XYLT1: variants seen among roughly 807,000 people sequenced by gnomAD.
XYLT1 encodes the protein beta-D-xylosyltransferase 1.
XYLT1 carries 36 observed loss-of-function variants against 91.3 expected under a neutral mutation model. The ratio of observed to expected loss-of-function variants is 0.39; its 90% CI spans 0.30 to 0.52. The LOEUF (loss-of-function observed/expected upper bound fraction) is 0.52. Ranked by LOEUF, XYLT1 falls within the 20% of genes least tolerant of loss-of-function variation. The pLI is 0.68. For missense variants in XYLT1, 1,242 were observed against 1,284.5 expected (o/e 0.97, Z 0.51); for synonymous variants, 588 against 532.0 (o/e 1.11, Z -1.45).
chr16:17,316,453 G>C (rs1567371120), intron 2 of XYLT1, among the ~76,000 whole-genome samples: 1 of 152,066 alleles, frequency 6.6e-6, no homozygotes, highest in African/African-American at 2.4e-5. Flanking sequence ...CTGGAGTGCT[G>C]TGGTGTGATC....
chr16:17,420,575 C>T (rs189579215), intron 1 of XYLT1, among the ~76,000 whole-genome samples: 29 of 152,326 alleles, frequency 1.9e-4, no homozygotes, highest in African/African-American at 6.5e-4. Flanking sequence ...TGGAACACTT[C>T]AAGAGAACAA....
At chr16:17,372,121 G>A (rs2035542865) in intron 1 of XYLT1, among the ~76,000 whole-genome samples, 1 of 152,194 alleles carries the variant, frequency 6.6e-6, no homozygotes. Flanking sequence ...ATAGAAGCAG[G>A]AAAGAATAAC....
intron 1 of XYLT1, among the ~76,000 whole-genome samples, chr16:17,414,632 T>A (rs1399606509): frequency 6.6e-6 from 1 of 152,076 alleles, no homozygotes; most frequent in East Asian, 1.9e-4. Flanking sequence ...ACACACATAA[T>A]GAGAAATGAG....
intron 2 of XYLT1, among the ~76,000 whole-genome samples, chr16:17,353,002 C>T (rs2035242296): frequency 6.6e-6 from 1 of 152,220 alleles, no homozygotes; most frequent in Non-Finnish European, 1.5e-5. Flanking sequence ...TCATTTGCTA[C>T]AGGAGCCCTG....
chr16:17,321,826 C>T (rs1434121625), intron 2 of XYLT1, among the ~76,000 whole-genome samples: 1 of 151,992 alleles, frequency 6.6e-6, no homozygotes, highest in Non-Finnish European at 1.5e-5. Context: ...ACCTGGGAAC[C>T]CCTGCACACA....
At chr16:17,376,774 C>T (rs1269052790) in intron 1 of XYLT1, among the ~76,000 whole-genome samples, 1 of 136,386 alleles carries the variant, frequency 7.3e-6, no homozygotes, top group East Asian at 2.3e-4. Flanking sequence ...TTGCAGTGAG[C>T]CGAGATTGTG....
At chr16:17,332,105 C>T (rs2034906484) in intron 2 of XYLT1, among the ~76,000 whole-genome samples, 1 of 152,202 alleles carries the variant, frequency 6.6e-6, no homozygotes, top group South Asian at 2.1e-4. Flanking sequence ...TCACCCTGTC[C>T]CCAGATACAA....
Position 17,200,631 on chromosome 16 carries a change from A to G in XYLT1, c.937T>C (p.Trp313Arg). Residue 313 changes from tryptophan to arginine, a missense_variant, in exon 4 of 12, where the codon TGG becomes CGG. Coordinates refer to ENST00000261381, the MANE Select transcript of XYLT1 (RefSeq NM_022166.4). Reference sequence around the variant, plus strand: ...ATGTACTCCACGGAGTCCTCGTCCCACTGCACGTTCTTGTTGGCTTTACCT... The same window carrying G: ...ATGTACTCCACGGAGTCCTCGTCCCGCTGCACGTTCTTGTTGGCTTTACCT... ...LEGKANKNVQ[W>R]DEDSVEYMPA... The G allele has an allele frequency of 6.2e-7, 1 of 1,613,808 alleles. No individual in the cohort carries two copies. Among genetic ancestry groups the G allele is most frequent in the Non-Finnish European group, 8.5e-7 (1 of 1,179,730 alleles).
At chr16:17,436,271 A>G (rs1596544842) in intron 1 of XYLT1, among the ~76,000 whole-genome samples, 1 of 152,324 alleles carries the variant, frequency 6.6e-6, no homozygotes, top group East Asian at 1.9e-4. Flanking sequence ...GAGAAAAGAC[A>G]ATTACACGGT....
chr16:17,112,565 C>T (rs188576991), intron 11 of XYLT1, among the ~76,000 whole-genome samples: 286 of 152,106 alleles, frequency 1.9e-3, no homozygotes, highest in Non-Finnish European at 2.6e-3. Context: ...CCTGAAGCAG[C>T]GAAGACACAG....
chr16:17,430,743 A>G (rs2036380732), intron 1 of XYLT1, among the ~76,000 whole-genome samples: 1 of 152,184 alleles, frequency 6.6e-6, no homozygotes, highest in Non-Finnish European at 1.5e-5. Context: ...CTTGCTTGCA[A>G]AAAATAAAAT....
chr16:17,242,522 T>C (rs1246798270), intron 3 of XYLT1, among the ~76,000 whole-genome samples: 1 of 152,186 alleles, frequency 6.6e-6, no homozygotes, highest in Non-Finnish European at 1.5e-5. Flanking sequence ...AGGAGAATTG[T>C]CATCTGTGAA....
chr16:17,450,843 G>A (rs1449546262), intron 1 of XYLT1, among the ~76,000 whole-genome samples: 1 of 152,190 alleles, frequency 6.6e-6, no homozygotes, highest in South Asian at 2.1e-4. Flanking sequence ...ACCAAGCTGA[G>A]GGGAGTGTAA....
intron 2 of XYLT1, among the ~76,000 whole-genome samples, chr16:17,323,782 G>A (rs2034760900): frequency 6.6e-6 from 1 of 152,096 alleles, no homozygotes; most frequent in South Asian, 2.1e-4. Flanking sequence ...ATCAGGTAGT[G>A]CCCAAGTCCC....
intron 1 of XYLT1, among the ~76,000 whole-genome samples, chr16:17,447,799 C>T (rs553604214): frequency 6.6e-6 from 1 of 152,320 alleles, no homozygotes; most frequent in African/African-American, 2.4e-5. Context: ...TCAATGTCCA[C>T]ATTTGTAAAA....
intron 1 of XYLT1, among the ~76,000 whole-genome samples, chr16:17,414,695 G>A (rs998178491): frequency 3.3e-5 from 5 of 152,098 alleles, no homozygotes; most frequent in Admixed American, 1.3e-4. Flanking sequence ...GAGGAGTGGC[G>A]AGTGTCCTGG....
chr16:17,460,709 C>T (rs1295790178), intron 1 of XYLT1, among the ~76,000 whole-genome samples: 1 of 152,130 alleles, frequency 6.6e-6, no homozygotes, highest in Admixed American at 6.6e-5. Flanking sequence ...AAGCAAGCAC[C>T]GTGGACCCTG....
At chr16:17,175,174 A>G (rs1050455793) in intron 5 of XYLT1, among the ~76,000 whole-genome samples, 2 of 152,214 alleles carry the variant, frequency 1.3e-5, no homozygotes, top group South Asian at 2.1e-4. Flanking sequence ...CAACAGCTAC[A>G]ATAATAACCA....
chr16:17,123,885 A>G (rs994554018), intron 10 of XYLT1, among the ~76,000 whole-genome samples: 3 of 152,146 alleles, frequency 2.0e-5, no homozygotes, highest in African/African-American at 7.2e-5. Flanking sequence ...TCATTATATA[A>G]TGTCCCTCTT....
Sources: gnomAD v4.1 joint callset for allele counts (sites outside exome capture counted in the v4.1 genomes callset) on GRCh38, gnomAD v4.1.1 for gene constraint, MANE v1.5 for transcripts, NCBI Gene and HGNC (gene_info 2026-07-23, HGNC 2026-07-21) for gene names.